The following AFF3 variants were observed in gnomAD, a reference collection of about 807,000 sequenced individuals.
AFF3 encodes AF4/FMR2 family member 3.
A neutral mutation model predicts 129.7 loss-of-function variants in AFF3; 32 were observed. The ratio of observed to expected loss-of-function variants is 0.25; its 90% CI spans 0.19 to 0.33. AFF3 has a LOEUF of 0.33. Ranked by LOEUF, AFF3 falls within the 10% of genes least tolerant of loss-of-function variation. The pLI is 1.00. For missense variants in AFF3, 1,373 were observed against 1,592.0 expected (o/e 0.86, Z 2.34); for synonymous variants, 644 against 635.4 (o/e 1.01, Z -0.20).
At chr2:100,045,407 G>A (rs1377824334) in intron 4 of AFF3, among the ~76,000 whole-genome samples, 3 of 152,126 alleles carry the variant, frequency 2.0e-5, no homozygotes, top group East Asian at 1.9e-4. Flanking sequence ...CCGTGACTGC[G>A]TTCTCACCCT....
chr2:99,562,995 G>T (rs1166809526), intron 20 of AFF3, among the ~76,000 whole-genome samples: 2 of 149,696 alleles, frequency 1.3e-5, no homozygotes, highest in Non-Finnish European at 2.9e-5. Flanking sequence ...GTGCTCCACT[G>T]ACCCACGCCT....
intron 7 of AFF3, among the ~76,000 whole-genome samples, chr2:99,918,171 C>T (rs10183501): frequency 0.45 from 68,475 of 151,852 alleles, 16,554 homozygotes; most frequent in African/African-American, 0.62. Context: ...GTGCATTTTT[C>T]CCCCTGGCTT....
At chr2:99,866,830 G>T (rs1691438490) in intron 7 of AFF3, among the ~76,000 whole-genome samples, 1 of 151,644 alleles carries the variant, frequency 6.6e-6, no homozygotes, top group African/African-American at 2.4e-5. Context: ...TACAAAATTA[G>T]CTGGGTGTGG....
At chr2:99,593,161 C>T in intron 15 of AFF3, 34 bp downstream of exon 15, 1 of 1,530,966 alleles carries the variant, frequency 6.5e-7, no homozygotes, top group East Asian at 2.3e-5. Context: ...CCTTCCCCTC[C>T]ACGCCCCCGC....
intron 4 of AFF3, among the ~76,000 whole-genome samples, chr2:100,103,946 G>A (rs551281907): frequency 9.2e-5 from 14 of 151,614 alleles, no homozygotes; most frequent in African/African-American, 3.4e-4. Context: ...CAGGCGGGGA[G>A]GCTGGAGCAT....
chr2:99,605,367 A>G (rs902870190), intron 13 of AFF3, among the ~76,000 whole-genome samples: 2 of 152,220 alleles, frequency 1.3e-5, no homozygotes, highest in African/African-American at 4.8e-5. Context: ...TAGAGCATGC[A>G]TAATATCCAG....
intron 8 of AFF3, among the ~76,000 whole-genome samples, chr2:99,830,741 G>GACAAAA (rs773669417): frequency 2.0e-5 from 3 of 151,966 alleles, no homozygotes; most frequent in Non-Finnish European, 2.9e-5. Context: ...TCTCAAAAAA[G>GACAAAA]ACAAAAACAA....
At chr2:99,772,137 A>G (rs1397811260) in intron 8 of AFF3, among the ~76,000 whole-genome samples, 1 of 152,144 alleles carries the variant, frequency 6.6e-6, no homozygotes, top group Non-Finnish European at 1.5e-5. Context: ...AGGAGAGAAG[A>G]GGAAGAATAA....
At chr2:99,949,106 G>A (rs1675909598) in intron 7 of AFF3, among the ~76,000 whole-genome samples, 1 of 152,096 alleles carries the variant, frequency 6.6e-6, no homozygotes, top group Admixed American at 6.6e-5. Flanking sequence ...CACTTTCAAG[G>A]GTGACCTTAA....
intron 13 of AFF3, among the ~76,000 whole-genome samples, chr2:99,645,814 C>G (rs949978055): frequency 1.3e-5 from 2 of 152,142 alleles, no homozygotes; most frequent in Admixed American, 1.3e-4. Context: ...TTAAAGCATA[C>G]AGTCTAAACT....
At chr2:100,041,623 A>G (rs1485191281) in intron 4 of AFF3, among the ~76,000 whole-genome samples, 1 of 152,188 alleles carries the variant, frequency 6.6e-6, no homozygotes, top group African/African-American at 2.4e-5. Flanking sequence ...CAGGGGATAT[A>G]CAGTCAAAAT....
chr2:100,035,136 T>C (rs1379205467), intron 4 of AFF3, among the ~76,000 whole-genome samples: 1 of 152,172 alleles, frequency 6.6e-6, no homozygotes, highest in Non-Finnish European at 1.5e-5. Context: ...TAAATTTTAG[T>C]CTCTGGGCAC....
chr2:99,973,376 A>G (rs1458776964), intron 7 of AFF3, among the ~76,000 whole-genome samples: 1 of 152,226 alleles, frequency 6.6e-6, no homozygotes. Flanking sequence ...TGTTTTAAGC[A>G]AGGTGGGAAA....
chr2:99,557,163 A>G lies in AFF3; in HGVS notation c.3285+1712T>C, dbSNP rs145923541. The stretch of plus-strand genomic sequence containing the variant: ...AATATATCAAAACATCACATTATAC[A>G]TAAGTACACGCAATTTGTTGTTGAT... On this transcript the variant is annotated intron_variant, in intron 22 of 24. Coordinates refer to ENST00000672756, the MANE Select transcript of AFF3 (RefSeq NM_001386135.1). 3.3e-4 allele frequency among the ~76,000 whole-genome samples: 51 copies of G among 152,348 alleles called. 1 individual carries two copies. In the East Asian group the frequency reaches 9.2e-3, roughly 28 times the overall value.
At chr2:99,759,433 G>A (rs1032057250) in intron 8 of AFF3, among the ~76,000 whole-genome samples, 1 of 44,462 alleles carries the variant, frequency 2.2e-5, no homozygotes, top group African/African-American at 1.1e-4. Flanking sequence ...AATTTCCTCT[G>A]AGAGGGATAT....
chr2:100,050,315 T>A (rs1686196078), intron 4 of AFF3, among the ~76,000 whole-genome samples: 1 of 152,062 alleles, frequency 6.6e-6, no homozygotes, highest in South Asian at 2.1e-4. Context: ...CATTCTTATG[T>A]TTTATTTTAC....
intron 13 of AFF3, among the ~76,000 whole-genome samples, chr2:99,633,912 T>TC (rs1683366560): frequency 2.9e-5 from 4 of 138,702 alleles, no homozygotes; most frequent in Non-Finnish European, 4.7e-5. Context: ...TTCCTTCCTT[T>TC]TTTTTTTTTT....
intron 4 of AFF3, among the ~76,000 whole-genome samples, chr2:100,081,916 C>T (rs1316224623): frequency 6.6e-6 from 1 of 152,160 alleles, no homozygotes; most frequent in Non-Finnish European, 1.5e-5. Context: ...CAACAGTTCT[C>T]AGTAGGCAGC....
intron 3 of AFF3, chr2:100,104,787 CCCGCTGCTGCAGCCGCCGCCGCCGCCG>C (rs1211927616): frequency 1.1e-5 from 9 of 819,230 alleles, no homozygotes; most frequent in Non-Finnish European, 1.3e-5. Context: ...GGCGGCCCGG[CCCGCTGCTGCAGCCGCCGCCGCCGCCG>C]CCGCCGCCGC....
Sources: allele counts gnomAD v4.1 joint callset (sites outside exome capture counted in the v4.1 genomes callset), GRCh38; gene constraint gnomAD v4.1.1; transcripts MANE v1.5; gene names NCBI Gene and HGNC (gene_info 2026-07-23, HGNC 2026-07-21).